The following PHACTR2 variants were observed in gnomAD, a reference collection of about 807,000 sequenced individuals.
The protein encoded by PHACTR2 is phosphatase and actin regulator 2, also known as chromosome 6 open reading frame 56.
A neutral mutation model predicts 76.0 loss-of-function variants in PHACTR2; 30 were observed. The ratio of observed to expected loss-of-function variants is 0.39; its 90% CI spans 0.30 to 0.54. The LOEUF (loss-of-function observed/expected upper bound fraction) is 0.54, where lower values mean the gene tolerates loss of function less well. Ranked by LOEUF, PHACTR2 falls within the 20% of genes least tolerant of loss-of-function variation. PHACTR2 has a pLI of 0.61. For synonymous variants in PHACTR2, 292 were observed against 292.5 expected (o/e 1.00, Z 0.02); for missense variants, 696 against 781.1 (o/e 0.89, Z 1.30).
At chr6:143,657,731 C>T (rs945691141) in intron 1 of PHACTR2, among the ~76,000 whole-genome samples, 5 of 152,138 alleles carry the variant, frequency 3.3e-5, no homozygotes, top group African/African-American at 9.7e-5. Flanking sequence ...GGGGTACTGG[C>T]GTGAGATTGT....
At chr6:143,607,526 C>A (rs1284650882), upstream of PHACTR2, among the ~76,000 whole-genome samples, 2 of 152,198 alleles carry the variant, frequency 1.3e-5, no homozygotes, top group African/African-American at 4.8e-5. Context: ...AATCCCCTAA[C>A]CTCTTTTGAC....
rs944102876 is a variant in PHACTR2, at chr6:143,558,174, A to T, written c.217+20967A>T. 6.6e-6 allele frequency: 1 copy of T among 152,148 alleles called. No individual in the cohort carries two copies. The highest frequency in any genetic ancestry group is 3.2e-3 in the Middle Eastern group (1 of 316). 9.4% of individuals were successfully genotyped at this position (152,148 alleles called of 1,614,324 possible). A position where few individuals can be genotyped will look rare whatever the true frequency, so the allele number is the denominator to read the frequency against. On this transcript the variant is annotated intron_variant, in intron 1 of 11. Transcript: ENST00000367584. This position sits in a 1 kb window ranked among gnomAD's most constrained non-coding sequence, Gnocchi z 4.7. ...TTTATAAGAAACACTGCACAATCAAAATATATGGACTTTGTTTGAATTCTT... is the reference window on the plus strand; with the variant it reads ...TTTATAAGAAACACTGCACAATCAATATATATGGACTTTGTTTGAATTCTT...
In PHACTR2 at chr6:143,771,194, G is replaced by GTGTA. The variant is rs1385863777; in HGVS notation, c.1233-1063_1233-1062insGTAT. Among the ~76,000 whole-genome samples the GTGTA allele has an allele frequency of 2.6e-3, 104 of 40,448 alleles. 1 individual carries two copies. The highest frequency in any genetic ancestry group is 4.0e-3 in the South Asian group (5 of 1,254). The allele number at this position is 40,448 out of a possible 152,430, so 26.5% of individuals were successfully genotyped here. A position where few individuals can be genotyped will look rare whatever the true frequency, so the allele number is the denominator to read the frequency against. ...TATATGTATATATATATATATGTGT[G>GTGTA]TATATATATATATATATATATATAT... On this transcript the variant is annotated intron_variant, in intron 6 of 12. Transcript: ENST00000440869.
chr6:143,608,097 C>A, upstream of PHACTR2: 2 of 595,532 alleles, frequency 3.4e-6, no homozygotes, highest in Admixed American at 5.4e-5. This position sits in a 1 kb window ranked among gnomAD's most constrained non-coding sequence, Gnocchi z 4.6. Context: ...TAGGCTCAGT[C>A]TCTCTTAATC....
In PHACTR2 at chr6:143,683,751, A is replaced by G. The variant is rs1777450318; in HGVS notation, c.46+5542A>G. 6.6e-6 allele frequency among the ~76,000 whole-genome samples: 1 copy of G among 152,212 alleles called. No individual in the cohort carries two copies. Reference sequence around the variant, plus strand: ...TGGAGTTTGTTTTCTTTATTCCATAATATATACATGGTAGGAAGTCAAACA... The same window carrying G: ...TGGAGTTTGTTTTCTTTATTCCATAGTATATACATGGTAGGAAGTCAAACA... On this transcript the variant is annotated intron_variant, in intron 1 of 12. Transcript: ENST00000440869. This position sits in a 1 kb window ranked among gnomAD's most constrained non-coding sequence, Gnocchi z 4.1.
chr6:143,713,842 T>C (rs900730401), intron 2 of PHACTR2, among the ~76,000 whole-genome samples: 2 of 152,164 alleles, frequency 1.3e-5, no homozygotes, highest in East Asian at 1.9e-4. Context: ...TGCTTAAGCA[T>C]TGGGAGAATC....
rs1201581341 is a variant in PHACTR2 at position 143,659,600 on chromosome 6, T to A, written c.13+51278T>A. On this transcript the variant is annotated intron_variant, in intron 1 of 11. Transcript: ENST00000305766. The surrounding 1 kb of genome is among the most constrained non-coding windows in gnomAD (Gnocchi z 5.0). The stretch of plus-strand genomic sequence containing the variant: ...GCAGCTCACAACATGGCAGCTTGCT[T>A]CTTTAAAGCCAGGTGAAGAGCCAGT... 6.6e-6 allele frequency among the ~76,000 whole-genome samples: 1 copy of A among 152,182 alleles called. No individual in the cohort carries two copies. The highest frequency in any genetic ancestry group is 1.5e-5 in the Non-Finnish European group (1 of 68,028).
At chr6:143,779,764 A>G (rs1376808736) in intron 9 of PHACTR2, among the ~76,000 whole-genome samples, 2 of 152,028 alleles carry the variant, frequency 1.3e-5, no homozygotes, top group Non-Finnish European at 2.9e-5. Context: ...AATAAATGTC[A>G]TTAGTTTTCA....
chr6:143,742,331 T>C lies in PHACTR2; in HGVS notation c.215-6654T>C, dbSNP rs1178803602. On this transcript the variant is annotated intron_variant, in intron 2 of 12. Transcript: ENST00000440869. The surrounding 1 kb of genome is among the most constrained non-coding windows in gnomAD (Gnocchi z 4.5). ...TTTTGAGTCTGTATTTCCTCCCTGT[T>C]GGCTTTTGTTGTTGTTGTGGTTGTT... 1.3e-5 allele frequency among the ~76,000 whole-genome samples: 2 copies of C among 152,170 alleles called. No homozygotes were observed. The highest frequency in any genetic ancestry group is 1.3e-4 in the Admixed American group (2 of 15,276).
Position 143,641,575 on chromosome 6 carries a change from C to T in PHACTR2, c.13+33253C>T, listed in dbSNP as rs556763624. Among the ~76,000 whole-genome samples, 2 of 152,260 alleles carry T rather than the reference C, an allele frequency of 1.3e-5. No individual in the cohort carries two copies. The highest frequency in any genetic ancestry group is 2.1e-4 in the South Asian group (1 of 4,824). On this transcript the variant is annotated intron_variant, in intron 1 of 11. Coordinates refer to the PHACTR2 transcript ENST00000305766. The surrounding 1 kb of genome is among the most constrained non-coding windows in gnomAD (Gnocchi z 5.8). ...AGGCTGGAGTACAATGGCATGATCTCGGCTAACCACAACCTCCGCCTCCCA... is the reference window on the plus strand; with the variant it reads ...AGGCTGGAGTACAATGGCATGATCTTGGCTAACCACAACCTCCGCCTCCCA...
chr6:143,711,137 C>G, intron 1 of PHACTR2: 1 of 448,688 alleles, frequency 2.2e-6, no homozygotes, highest in Non-Finnish European at 4.4e-6. Flanking sequence ...CACCGCTATA[C>G]GTTCCCTCAA....
chr6:143,801,310 T>C lies in PHACTR2; in HGVS notation c.1846-5747T>C, dbSNP rs1775949761. Among the ~76,000 whole-genome samples the C allele has an allele frequency of 1.3e-5, 2 of 152,204 alleles. No individual in the cohort carries two copies. Among genetic ancestry groups the C allele is most frequent in the African/African-American group, 4.8e-5 (2 of 41,448 alleles). On this transcript the variant is annotated intron_variant, in intron 11 of 12. Transcript: ENST00000440869. This position sits in a 1 kb window ranked among gnomAD's most constrained non-coding sequence, Gnocchi z 4.6. ...AGAGTGTTTTTCAACTTGGTTCTAT[T>C]CTCCCCATCACTTTCAGGTACACCA... is the stretch of plus-strand genomic sequence containing the variant.
At chr6:143,726,759 G>A (rs1261132913) in intron 2 of PHACTR2, among the ~76,000 whole-genome samples, 1 of 152,176 alleles carries the variant, frequency 6.6e-6, no homozygotes, top group Non-Finnish European at 1.5e-5. Context: ...TAGGTATGTA[G>A]TGGTATTTTG....
chr6:143,721,910 C>A (rs1036714209), intron 2 of PHACTR2, among the ~76,000 whole-genome samples: 5 of 152,176 alleles, frequency 3.3e-5, no homozygotes, highest in African/African-American at 1.2e-4. Flanking sequence ...GTGCATCTGG[C>A]AGTACCTCAT....
chr6:143,643,905 C>T (rs1320393746), intron 1 of PHACTR2, among the ~76,000 whole-genome samples: 1 of 152,080 alleles, frequency 6.6e-6, no homozygotes, highest in Non-Finnish European at 1.5e-5. Context: ...CCTCTTTGCA[C>T]CTCATGTGAT....
chr6:143,746,935 A>G (rs1185164255), intron 2 of PHACTR2, among the ~76,000 whole-genome samples: 1 of 152,100 alleles, frequency 6.6e-6, no homozygotes, highest in African/African-American at 2.4e-5. Context: ...ATACAGGAAG[A>G]ATGGGGTCAG....
intron 1 of PHACTR2, among the ~76,000 whole-genome samples, chr6:143,650,814 AT>A (rs1358470935): frequency 3.9e-5 from 6 of 152,230 alleles, no homozygotes; most frequent in Non-Finnish European, 8.8e-5. Context: ...ATTGCAACAA[AT>A]GCAAAAATTG....
At position 143,789,711 on chromosome 6, in the gene PHACTR2, C is replaced by A. The variant is rs1166214938; in HGVS notation, c.1845+801C>A. Reference sequence around the variant, plus strand: ...GTACTTTTGCTTAAACATGCCACATCTTAATGCTAAAACTAGGCATTTAAT... The same window carrying A: ...GTACTTTTGCTTAAACATGCCACATATTAATGCTAAAACTAGGCATTTAAT... On this transcript the variant is annotated intron_variant, in intron 11 of 12. Transcript: ENST00000440869. The surrounding 1 kb of genome is among the most constrained non-coding windows in gnomAD (Gnocchi z 5.1). 6.6e-6 allele frequency among the ~76,000 whole-genome samples: 1 copy of A among 152,106 alleles called. No individual in the cohort carries two copies. Among genetic ancestry groups the A allele is most frequent in the Non-Finnish European group, 1.5e-5 (1 of 68,020 alleles).
chr6:143,763,220 G>C (rs1038921776), intron 5 of PHACTR2, among the ~76,000 whole-genome samples: 1 of 151,982 alleles, frequency 6.6e-6, no homozygotes, highest in Non-Finnish European at 1.5e-5. Context: ...TTACCCAGGC[G>C]TGGTGGTGGG....
Sources: allele counts gnomAD v4.1 joint callset (sites outside exome capture counted in the v4.1 genomes callset), GRCh38; gene constraint gnomAD v4.1.1; non-coding constraint Gnocchi (gnomAD v3.1); transcripts MANE v1.5; gene names NCBI Gene and HGNC (gene_info 2026-07-23, HGNC 2026-07-21).